SPATA6L: variants seen among roughly 807,000 people sequenced by gnomAD.
SPATA6L encodes spermatogenesis associated 6 like, also known as spermatogenesis associated 6-like protein.
In SPATA6L, 68 loss-of-function variants were observed where a neutral mutation model predicts 49.2. The ratio of observed to expected loss-of-function variants is 1.38; its 90% CI spans 1.14 to 1.69. The LOEUF (loss-of-function observed/expected upper bound fraction) is 1.69. SPATA6L is among the 40% of genes most tolerant of loss of function. SPATA6L has a pLI of 0.00. For synonymous variants in SPATA6L, 198 were observed against 165.7 expected (o/e 1.19, Z -1.50); for missense variants, 668 against 464.3 (o/e 1.44, Z -4.03).
chr9:4,605,192 A>G lies in SPATA6L; in HGVS notation c.1089+155T>C, dbSNP rs181670138. Reference sequence around the variant, plus strand: ...CATGTCAAATACCCGCTACCATTCAATCTCAGGACAACAGGTAATCTCCTT... The same window carrying G: ...CATGTCAAATACCCGCTACCATTCAGTCTCAGGACAACAGGTAATCTCCTT... On this transcript the variant is annotated intron_variant, in intron 10 of 11. Coordinates refer to ENST00000682582, the MANE Select transcript of SPATA6L (RefSeq NM_001353486.2). 9.9e-4 allele frequency among the ~76,000 whole-genome samples: 150 copies of G among 152,238 alleles called. 2 individuals are homozygous for G. The highest frequency in any genetic ancestry group is 3.5e-3 in the African/African-American group (146 of 41,546).
chr9:4,663,321 C>A, intron 1 of SPATA6L: 2 of 1,527,602 alleles, frequency 1.3e-6, no homozygotes, highest in South Asian at 2.5e-5. Context: ...TCGATGATGT[C>A]AACCTAAACC....
At chr9:4,616,839 C>T (rs1419480507) in intron 9 of SPATA6L, among the ~76,000 whole-genome samples, 4 of 152,212 alleles carry the variant, frequency 2.6e-5, no homozygotes, top group South Asian at 4.1e-4. Context: ...CCCACCTTGG[C>T]CTCCCAAACT....
At chr9:4,625,846 AATAG>A (rs1457376038) in intron 5 of SPATA6L, 1 of 226,726 alleles carries the variant, frequency 4.4e-6, no homozygotes, top group Non-Finnish European at 8.4e-6. Context: ...AGACACCTCC[AATAG>A]ATAGATAATA....
At chr9:4,627,720 A>C in intron 5 of SPATA6L, 1 of 1,288,628 alleles carries the variant, frequency 7.8e-7, no homozygotes, top group Non-Finnish European at 1.0e-6. Context: ...TTGAGGTAGT[A>C]CACATGGATG....
intron 5 of SPATA6L, chr9:4,626,645 A>G: frequency 6.5e-6 from 7 of 1,070,534 alleles, no homozygotes; most frequent in Non-Finnish European, 8.6e-6. Context: ...CTGTTTAGCC[A>G]TTTTTAAAAA....
At chr9:4,625,148 AG>A (rs564459047) in intron 6 of SPATA6L, 178 bp downstream of exon 6, 351 of 1,194,990 alleles carry the variant, frequency 2.9e-4, no homozygotes, top group Non-Finnish European at 3.6e-4. Flanking sequence ...GTACCTTTCT[AG>A]GGGTTTCCTG....
intron 3 of SPATA6L, among the ~76,000 whole-genome samples, chr9:4,650,791 C>G (rs955457035): frequency 6.6e-6 from 1 of 151,038 alleles, no homozygotes; most frequent in African/African-American, 2.4e-5. Flanking sequence ...TCCCAAGTAG[C>G]TAGGATTACA....
intron 7 of SPATA6L, 97 bp from the exon 8 acceptor site, chr9:4,618,995 G>A (rs936364904): frequency 9.1e-7 from 1 of 1,094,232 alleles, no homozygotes; most frequent in Non-Finnish European, 1.3e-6. Flanking sequence ...AAAAATTTTA[G>A]ACAATGAATT....
intron 3 of SPATA6L, among the ~76,000 whole-genome samples, chr9:4,642,664 C>T (rs866237204): frequency 6.6e-6 from 1 of 152,026 alleles, no homozygotes; most frequent in Non-Finnish European, 1.5e-5. Context: ...TTAGTTGAGA[C>T]ATTTGCTAGT....
intron 9 of SPATA6L, among the ~76,000 whole-genome samples, chr9:4,611,571 T>A (rs1210591558): frequency 6.9e-6 from 1 of 144,070 alleles, no homozygotes; most frequent in Non-Finnish European, 1.5e-5. Context: ...CACCGCATAT[T>A]CTCACTCATA....
At chr9:4,655,802 C>T (rs904219792) in intron 3 of SPATA6L, among the ~76,000 whole-genome samples, 9 of 152,234 alleles carry the variant, frequency 5.9e-5, no homozygotes, top group Non-Finnish European at 1.0e-4. Context: ...TCACCCGCCT[C>T]GGCCTCCCAA....
intron 8 of SPATA6L, 44 bp downstream of exon 8, chr9:4,618,820 T>C: frequency 6.4e-7 from 1 of 1,553,932 alleles, no homozygotes; most frequent in African/African-American, 1.4e-5. Flanking sequence ...TGACATAAGA[T>C]ATCTGGAAGT....
intron 2 of SPATA6L, among the ~76,000 whole-genome samples, chr9:4,656,343 G>C (rs1439152464): frequency 6.6e-6 from 1 of 152,090 alleles, no homozygotes; most frequent in African/African-American, 2.4e-5. Flanking sequence ...TGGGGCTGAG[G>C]CTGGAGGGTC....
chr9:4,647,856 C>T lies in SPATA6L; in HGVS notation c.226+8185G>A, dbSNP rs146425460. On this transcript the variant is annotated intron_variant, in intron 3 of 11. Transcript: ENST00000682582. ...TTTAGTTTTTTTTTTTTTTTTTGAA[C>T]CAGGGCCTCACTCTGTCACCCAGGG... Among the ~76,000 whole-genome samples, 1,232 of 140,772 alleles carry T rather than the reference C, an allele frequency of 8.8e-3. 18 individuals are homozygous for T. Among genetic ancestry groups the T allele is most frequent in the African/African-American group, 0.031 (1,192 of 38,424 alleles). 92.4% of individuals were successfully genotyped at this position (140,772 alleles called of 152,430 possible).
chr9:4,660,012 C>A (rs1304248630), intron 2 of SPATA6L, among the ~76,000 whole-genome samples: 7 of 152,318 alleles, frequency 4.6e-5, no homozygotes, highest in Non-Finnish European at 4.4e-5. Flanking sequence ...TTCCTTACAC[C>A]TTATACAAAA....
At chr9:4,597,896 G>A (rs531779233), downstream of SPATA6L, among the ~76,000 whole-genome samples, 41 of 152,254 alleles carry the variant, frequency 2.7e-4, no homozygotes, top group African/African-American at 9.6e-4. Flanking sequence ...GAGCCCAGCG[G>A]GCTCCTTTGA....
intron 13 of SPATA6L, among the ~76,000 whole-genome samples, chr9:4,592,208 G>A (rs564932010): frequency 7.2e-5 from 11 of 151,890 alleles, no homozygotes; most frequent in Middle Eastern, 3.4e-3. Flanking sequence ...CCAGCTACTC[G>A]GGAGGCTGAG....
intron 6 of SPATA6L, chr9:4,625,125 T>A: frequency 1.2e-6 from 1 of 859,810 alleles, no homozygotes. Context: ...ACTGAGCAAG[T>A]CCCCTGTATA....
At position 4,598,696 on chromosome 9, in the gene SPATA6L, T is replaced by C. The variant is rs1822554248; in HGVS notation, c.*2115A>G. Among the ~76,000 whole-genome samples the C allele has an allele frequency of 6.6e-6, 1 of 152,232 alleles. No homozygotes were observed. The highest frequency in any genetic ancestry group is 6.5e-5 in the Admixed American group (1 of 15,288). The stretch of plus-strand genomic sequence containing the variant: ...TAACTGAAATGGGATACCAATTCAT[T>C]AGTGCTGCTTTCCTTTAGCTGCTTA... On this transcript the variant is annotated 3_prime_UTR_variant, in exon 12 of 12. Coordinates refer to ENST00000682582, the MANE Select transcript of SPATA6L (RefSeq NM_001353486.2).
Sources: gnomAD v4.1 joint callset for allele counts (sites outside exome capture counted in the v4.1 genomes callset) on GRCh38, gnomAD v4.1.1 for gene constraint, MANE v1.5 for transcripts, NCBI Gene and HGNC (gene_info 2026-07-23, HGNC 2026-07-21) for gene names.